Variants in BRD7 observed in about 807,000 individuals in gnomAD.
BRD7 encodes bromodomain containing 7, also known as bromodomain-containing protein 7.
A neutral mutation model predicts 82.1 loss-of-function variants in BRD7; 15 were observed. The ratio of observed to expected loss-of-function variants is 0.18; its 90% CI spans 0.12 to 0.28. The LOEUF is 0.28. Among genes scored for constraint, BRD7 ranks in the 10% least tolerant of loss-of-function variants. The pLI is 1.00. For missense variants in BRD7, 638 were observed against 779.9 expected (o/e 0.82, Z 2.17); for synonymous variants, 232 against 266.9 (o/e 0.87, Z 1.27).
At chr16:50,343,580 C>G (rs2151176356) in intron 5 of BRD7, among the ~76,000 whole-genome samples, 1 of 152,298 alleles carries the variant, frequency 6.6e-6, no homozygotes, top group South Asian at 2.1e-4. Flanking sequence ...ACAGACTGTA[C>G]CTGGAAAATC....
chr16:50,364,886 C>T (rs1045848490), intron 2 of BRD7, among the ~76,000 whole-genome samples: 2 of 152,100 alleles, frequency 1.3e-5, no homozygotes, highest in Admixed American at 1.3e-4. Flanking sequence ...GTGGTAACTG[C>T]CAGAACAAAA....
At chr16:50,346,950 A>G (rs963323332) in intron 5 of BRD7, among the ~76,000 whole-genome samples, 1 of 152,204 alleles carries the variant, frequency 6.6e-6, no homozygotes, top group Non-Finnish European at 1.5e-5. Context: ...TGGTAGAGAC[A>G]CAACAAAAAA....
intron 2 of BRD7, among the ~76,000 whole-genome samples, chr16:50,363,940 G>A (rs1324410714): frequency 6.6e-6 from 1 of 152,034 alleles, no homozygotes; most frequent in African/African-American, 2.4e-5. Context: ...ATACATGCCT[G>A]TAGTCCCAGC....
At position 50,341,928 on chromosome 16, in the gene BRD7, TCACACACACACACACACA is replaced by T. The variant is rs375793137; in HGVS notation, c.592-1860_592-1843del. Among the ~76,000 whole-genome samples the T allele has an allele frequency of 5.4e-3, 773 of 143,660 alleles. 5 individuals carry two copies. The highest frequency in any genetic ancestry group is 0.017 in the African/African-American group (665 of 38,376). 94.2% of individuals were successfully genotyped at this position (143,660 alleles called of 152,430 possible). A position where few individuals can be genotyped will look rare whatever the true frequency, so the allele number is the denominator to read the frequency against. On this transcript the variant is annotated intron_variant, in intron 5 of 16. Coordinates refer to ENST00000394688, the MANE Select transcript of BRD7 (RefSeq NM_013263.5). ...AAAGCTGAGTCTTCCTGCACACTTT[TCACACACACACACACACA>T]CACACACACACACACACACACATTT...
intron 5 of BRD7, among the ~76,000 whole-genome samples, chr16:50,343,125 T>C (rs1377042952): frequency 6.6e-6 from 1 of 152,252 alleles, no homozygotes; most frequent in Non-Finnish European, 1.5e-5. Flanking sequence ...CTCTTTAGTA[T>C]TTCTGGACAA....
In BRD7 at chr16:50,354,868, G is replaced by C; in HGVS notation, c.313C>G (p.Leu105Val). 1 of 1,613,564 alleles carries C rather than the reference G, an allele frequency of 6.2e-7. No individual in the cohort carries two copies. Among genetic ancestry groups the C allele is most frequent in the Non-Finnish European group, 8.5e-7 (1 of 1,179,958 alleles). The change falls in exon 3 of 17, where the codon CTC (leucine) becomes GTC (valine). Residue 105 changes from leucine (L) to valine (V), a missense_variant. Physicochemically the swap from Leu to Val is conservative, Grantham distance 32. Around this residue, in one of 3 missense-constraint regions of BRD7, gnomAD observed 172 missense variants for 155.3 expected, o/e 1.11. Coordinates refer to ENST00000394688, the MANE Select transcript of BRD7 (RefSeq NM_013263.5). ...DRVENEAEKD[L>V]QCHAPVRLDL... Reference sequence around the variant, plus strand: ...AATCTCACAGGGGCGTGACACTGGAGATCTTTTTCTGCCTCATTCTCCACC... The same window carrying C: ...AATCTCACAGGGGCGTGACACTGGACATCTTTTTCTGCCTCATTCTCCACC...
At chr16:50,358,350 T>TCCCGTCTTTACAAAAATTAG (rs61455994) in intron 2 of BRD7, among the ~76,000 whole-genome samples, 1 of 151,088 alleles carries the variant, frequency 6.6e-6, no homozygotes, top group Non-Finnish European at 1.5e-5. Context: ...CATAGCGAAA[T>TCCCGTCTTTACAAAAATTAG]CCAGGAGTTT....
At chr16:50,342,455 CTT>C (rs34093559) in intron 5 of BRD7, among the ~76,000 whole-genome samples, 5 of 102,948 alleles carry the variant, frequency 4.9e-5, no homozygotes, top group Non-Finnish European at 5.4e-5. Flanking sequence ...AAGACACTGT[CTT>C]TTTTTTTTTT....
At chr16:50,338,015 T>C (rs1374816993) in intron 6 of BRD7, among the ~76,000 whole-genome samples, 7 of 152,204 alleles carry the variant, frequency 4.6e-5, no homozygotes, top group African/African-American at 1.7e-4. Flanking sequence ...GCTTGTTGTA[T>C]TAACTACATT....
intron 2 of BRD7, among the ~76,000 whole-genome samples, chr16:50,362,583 G>A (rs1356617102): frequency 6.6e-6 from 1 of 152,128 alleles, no homozygotes; most frequent in Non-Finnish European, 1.5e-5. Context: ...AATAAAATGT[G>A]GTATATCCAT....
intron 4 of BRD7, among the ~76,000 whole-genome samples, chr16:50,350,978 T>C (rs759369584): frequency 2.6e-5 from 4 of 152,200 alleles, no homozygotes; most frequent in Non-Finnish European, 5.9e-5. Flanking sequence ...GGCATTTGTA[T>C]TTCCAGTATT....
chr16:50,322,951 G>A (rs1435929588), intron 12 of BRD7, among the ~76,000 whole-genome samples: 2 of 152,140 alleles, frequency 1.3e-5, no homozygotes, highest in Non-Finnish European at 2.9e-5. Flanking sequence ...TGTGAGCAGG[G>A]TACCAGGCAC....
In BRD7 at chr16:50,319,975, A is replaced by G. The variant is rs149583258; in HGVS notation, c.1812T>C (p.Asp604=). 2.1e-5 allele frequency: 34 copies of G among 1,613,490 alleles called. No homozygotes were observed. The highest frequency in any genetic ancestry group is 2.8e-5 in the Non-Finnish European group (33 of 1,179,956). Reference sequence around the variant, plus strand: ...TTCGAACTCCATACGTGCTTACGATATCACCTGGAGTTACTTGCTGTGCAA... The same window carrying G: ...TTCGAACTCCATACGTGCTTACGATGTCACCTGGAGTTACTTGCTGTGCAA... ...KELAQQVTPG[D]IVSTYGVRKA... is the part of the protein sequence containing the mutation. Residue 604 remains aspartate, a synonymous_variant, in exon 16 of 17, where the codon GAT becomes GAC. Coordinates refer to ENST00000394688, the MANE Select transcript of BRD7 (RefSeq NM_013263.5).
intron 9 of BRD7, among the ~76,000 whole-genome samples, chr16:50,327,578 T>C (rs373326675): frequency 7.2e-5 from 11 of 152,206 alleles, no homozygotes; most frequent in African/African-American, 1.4e-4. Context: ...CATAGTCCCC[T>C]TCTTTCCATC....
intron 2 of BRD7, among the ~76,000 whole-genome samples, chr16:50,359,877 G>A (rs2038876125): frequency 6.6e-6 from 1 of 152,182 alleles, no homozygotes; most frequent in South Asian, 2.1e-4. Context: ...AGGTAGGTGT[G>A]TGGGAACAGC....
At chr16:50,356,119 G>A (rs973747709) in intron 2 of BRD7, among the ~76,000 whole-genome samples, 2 of 152,286 alleles carry the variant, frequency 1.3e-5, no homozygotes, top group South Asian at 4.1e-4. Flanking sequence ...AAGGCATTTC[G>A]CCTCTCTTTG....
chr16:50,319,876 A>C lies in BRD7; in HGVS notation c.1900+11T>G. ...AGCTTTCTGCTTTCCCAGAGAAAAC[A>C]GGGCACGTACCTTCTGTCAAATCCA... On this transcript the variant is annotated intron_variant, in intron 16 of 16. Transcript: ENST00000394688. 2 of 1,608,128 alleles carry C rather than the reference A, an allele frequency of 1.2e-6. No homozygotes were observed. The highest frequency in any genetic ancestry group is 1.7e-6 in the Non-Finnish European group (2 of 1,178,564).
Position 50,341,928 on chromosome 16 carries a change from TCACACA to T in BRD7, c.592-1848_592-1843del, listed in dbSNP as rs375793137. Among the ~76,000 whole-genome samples the T allele has an allele frequency of 8.5e-3, 1,215 of 143,638 alleles. 4 individuals are homozygous for T. The highest frequency in any genetic ancestry group is 0.011 in the Non-Finnish European group (705 of 66,056). 94.2% of individuals were successfully genotyped at this position (143,638 alleles called of 152,430 possible). The stretch of plus-strand genomic sequence containing the variant: ...AAAGCTGAGTCTTCCTGCACACTTT[TCACACA>T]CACACACACACACACACACACACAC... On this transcript the variant is annotated intron_variant, in intron 5 of 16. Transcript: ENST00000394688.
chr16:50,321,746 T>C (rs1449177297), intron 13 of BRD7, among the ~76,000 whole-genome samples: 1 of 152,182 alleles, frequency 6.6e-6, no homozygotes, highest in Non-Finnish European at 1.5e-5. Context: ...CTAACTCCAT[T>C]GATCCACCTG....
Sources: gnomAD v4.1 joint callset for allele counts (sites outside exome capture counted in the v4.1 genomes callset) on GRCh38, gnomAD v4.1.1 for gene constraint, gnomAD v4.1.1 regional missense constraint, MANE v1.5 for transcripts, NCBI Gene and HGNC (gene_info 2026-07-23, HGNC 2026-07-21) for gene names.